The following LGR5 variants were observed in gnomAD, a reference collection of about 807,000 sequenced individuals.
The protein encoded by LGR5 is leucine rich repeat containing G protein-coupled receptor 5.
A neutral mutation model predicts 76.7 loss-of-function variants in LGR5; 54 were observed. The ratio of observed to expected loss-of-function variants is 0.70; its 90% CI spans 0.57 to 0.88. LGR5 has a LOEUF of 0.88. Among genes scored for constraint, LGR5 ranks in the 40% least tolerant of loss-of-function variants. LGR5 has a pLI of 0.00. For synonymous variants in LGR5, 406 were observed against 421.9 expected (o/e 0.96, Z 0.46); for missense variants, 1,078 against 1,073.3 (o/e 1.00, Z -0.06).
intron 1 of LGR5, among the ~76,000 whole-genome samples, chr12:71,475,651 C>G (rs11178819): frequency 6.6e-6 from 1 of 152,312 alleles, no homozygotes; most frequent in South Asian, 2.1e-4. Context: ...ACTCATCCCC[C>G]CCTTATCATA....
chr12:71,571,466 T>C, intron 11 of LGR5, 48 bp from the exon 12 acceptor site: 1 of 1,356,778 alleles, frequency 7.4e-7, no homozygotes. Context: ...TGTTTCTTTA[T>C]GATTTATTTG....
Position 71,565,032 on chromosome 12 carries a change from A to G in LGR5, c.858-1372A>G, listed in dbSNP as rs530592050. The stretch of plus-strand genomic sequence containing the variant: ...GTGAACACAATTATATGCATAAAGT[A>G]CATGGTATAGCTAAGAGCTGATAAG... On this transcript the variant is annotated intron_variant, in intron 8 of 17. Coordinates refer to ENST00000266674, the MANE Select transcript of LGR5 (RefSeq NM_003667.4). 4.4e-3 allele frequency among the ~76,000 whole-genome samples: 671 copies of G among 151,532 alleles called. 5 individuals are homozygous for G. The highest frequency in any genetic ancestry group is 0.016 in the African/African-American group (645 of 41,284).
intron 2 of LGR5, among the ~76,000 whole-genome samples, chr12:71,520,288 T>TA (rs1181951975): frequency 1.3e-5 from 2 of 152,134 alleles, no homozygotes; most frequent in East Asian, 1.9e-4. Context: ...CTTAGTGAAA[T>TA]AAGTCAGATA....
intron 4 of LGR5, among the ~76,000 whole-genome samples, chr12:71,535,993 A>G (rs1026158217): frequency 2.0e-5 from 3 of 152,210 alleles, no homozygotes; most frequent in African/African-American, 7.2e-5. Context: ...AGTCTATACC[A>G]CTACTATTTA....
At position 71,440,407 on chromosome 12, in the gene LGR5, T is replaced by A; in HGVS notation, c.212+115T>A. 2.0e-6 allele frequency: 2 copies of A among 983,824 alleles called. No homozygotes were observed. The highest frequency in any genetic ancestry group is 1.5e-6 in the Non-Finnish European group (1 of 645,736). The allele number at this position is 983,824 out of a possible 1,614,324, so 60.9% of individuals were successfully genotyped here. On this transcript the variant is annotated intron_variant, in intron 1 of 17. Transcript: ENST00000266674. This position sits in a 1 kb window ranked among gnomAD's most constrained non-coding sequence, Gnocchi z 5.3. The stretch of plus-strand genomic sequence containing the variant: ...CCTGCTCGTGGGGGAGGGGGGCGAG[T>A]TTGTCAAGGGCATCCTGGCCAGGCC...
At chr12:71,446,825 C>G (rs562701487) in intron 1 of LGR5, among the ~76,000 whole-genome samples, 3 of 152,232 alleles carry the variant, frequency 2.0e-5, no homozygotes, top group African/African-American at 7.2e-5. Context: ...TAGTTTAGGG[C>G]CAATATTACA....
Position 71,439,982 on chromosome 12 carries a change from G to T in LGR5, c.-99G>T. On this transcript the variant is annotated 5_prime_UTR_variant, in exon 1 of 18. Transcript: ENST00000266674. Reference sequence around the variant, plus strand: ...TGGCGCTGCAGACGCCCGCTGAGTTGCAGAAGCCCACGGAGCGGCGCCCGG... The same window carrying T: ...TGGCGCTGCAGACGCCCGCTGAGTTTCAGAAGCCCACGGAGCGGCGCCCGG... The T allele has an allele frequency of 8.8e-7, 1 of 1,134,784 alleles. No individual in the cohort carries two copies. The highest frequency in any genetic ancestry group is 1.3e-6 in the Non-Finnish European group (1 of 795,014). The allele number at this position is 1,134,784 out of a possible 1,614,324, so 70.3% of individuals were successfully genotyped here. A position where few individuals can be genotyped will look rare whatever the true frequency, so the allele number is the denominator to read the frequency against.
At chr12:71,531,642 T>C (rs1876315104) in intron 3 of LGR5, among the ~76,000 whole-genome samples, 1 of 151,950 alleles carries the variant, frequency 6.6e-6, no homozygotes, top group Non-Finnish European at 1.5e-5. Context: ...CCAAGGTGGG[T>C]AGATCATTTG....
At chr12:71,445,394 C>T (rs1871941613) in intron 1 of LGR5, among the ~76,000 whole-genome samples, 1 of 152,184 alleles carries the variant, frequency 6.6e-6, no homozygotes, top group Non-Finnish European at 1.5e-5. Flanking sequence ...TAGAATTTCA[C>T]TTGTTAAATC....
In LGR5 at chr12:71,440,936, C is replaced by G. The variant is rs1252923490; in HGVS notation, c.212+644C>G. Among the ~76,000 whole-genome samples the G allele has an allele frequency of 6.6e-6, 1 of 152,114 alleles. No homozygotes were observed. Among genetic ancestry groups the G allele is most frequent in the Non-Finnish European group, 1.5e-5 (1 of 68,040 alleles). On this transcript the variant is annotated intron_variant, in intron 1 of 17. Transcript: ENST00000266674. The surrounding 1 kb of genome is among the most constrained non-coding windows in gnomAD (Gnocchi z 5.3). ...TGGCAACCACAAACCCCGATTAGAG[C>G]TGCCAGAACGTTATCTTTACCTTTG...
chr12:71,541,655 T>C (rs2137382287), intron 4 of LGR5, among the ~76,000 whole-genome samples: 1 of 152,328 alleles, frequency 6.6e-6, no homozygotes, highest in Middle Eastern at 3.4e-3. Flanking sequence ...CAGCCTCCCA[T>C]ATTTACTAAA....
At chr12:71,548,220 A>G (rs533211289) in intron 4 of LGR5, among the ~76,000 whole-genome samples, 23 of 152,246 alleles carry the variant, frequency 1.5e-4, no homozygotes, top group African/African-American at 4.8e-4. Context: ...TTCTCTGAAA[A>G]TGCCATCACT....
chr12:71,564,744 A>G lies in LGR5; in HGVS notation c.858-1660A>G, dbSNP rs1281610171. Among the ~76,000 whole-genome samples, 11 of 32,146 alleles carry G rather than the reference A, an allele frequency of 3.4e-4. 3 individuals carry two copies. The highest frequency in any genetic ancestry group is 5.8e-4 in the African/African-American group (10 of 17,270). The allele number at this position is 32,146 out of a possible 152,430, so 21.1% of individuals were successfully genotyped here. On this transcript the variant is annotated intron_variant, in intron 8 of 17. Transcript: ENST00000266674. ...ATATACATATATGTACACACACTGTATATATATACATATATACATATATGT... is the reference window on the plus strand; with the variant it reads ...ATATACATATATGTACACACACTGTGTATATATACATATATACATATATGT...
chr12:71,439,532 G>C (rs183584129), upstream of LGR5, among the ~76,000 whole-genome samples: 1 of 148,618 alleles, frequency 6.7e-6, no homozygotes, highest in African/African-American at 2.6e-5. Flanking sequence ...GGGTAAGGGT[G>C]GGGGGGTCCC....
chr12:71,496,891 G>A (rs1174017297), intron 1 of LGR5, among the ~76,000 whole-genome samples: 1 of 152,160 alleles, frequency 6.6e-6, no homozygotes, highest in Non-Finnish European at 1.5e-5. Context: ...AATATGAAAC[G>A]TTAGATGTCA....
intron 4 of LGR5, among the ~76,000 whole-genome samples, chr12:71,543,925 T>C (rs1877008421): frequency 6.6e-6 from 1 of 152,096 alleles, no homozygotes; most frequent in African/African-American, 2.4e-5. Flanking sequence ...GTGCCCCTGA[T>C]AGAAAAAGGG....
At chr12:71,465,755 C>T (rs1872838521) in intron 1 of LGR5, among the ~76,000 whole-genome samples, 1 of 152,158 alleles carries the variant, frequency 6.6e-6, no homozygotes, top group Non-Finnish European at 1.5e-5. Flanking sequence ...ATTCCTTTTT[C>T]AGGTAACATA....
chr12:71,519,172 T>G (rs1592508322), intron 2 of LGR5, among the ~76,000 whole-genome samples: 1 of 152,276 alleles, frequency 6.6e-6, no homozygotes, highest in East Asian at 1.9e-4. Flanking sequence ...TCCTTGCAGC[T>G]TCTGGACCAC....
At chr12:71,528,165 C>T (rs957667875) in intron 3 of LGR5, among the ~76,000 whole-genome samples, 3 of 152,068 alleles carry the variant, frequency 2.0e-5, no homozygotes, top group Non-Finnish European at 4.4e-5. Flanking sequence ...AGTTTAAAAT[C>T]GTGTTCGTAG....
Sources: gnomAD v4.1 joint callset for allele counts (sites outside exome capture counted in the v4.1 genomes callset) on GRCh38, gnomAD v4.1.1 for gene constraint, Gnocchi (gnomAD v3.1) non-coding constraint, MANE v1.5 for transcripts, NCBI Gene and HGNC (gene_info 2026-07-23, HGNC 2026-07-21) for gene names.